CFAP299: variants seen among roughly 807,000 people sequenced by gnomAD.
CFAP299 encodes the protein cilia and flagella associated protein 299, also known as cilia- and flagella-associated protein 299.
In CFAP299, 21 loss-of-function variants were observed where a neutral mutation model predicts 27.0. That is an observed-to-expected ratio of 0.78 (90% CI 0.55 to 1.12). The LOEUF (loss-of-function observed/expected upper bound fraction) is 1.12. Among genes scored for constraint, CFAP299 ranks in the 50% most tolerant of loss-of-function variants. The pLI is 0.00. For synonymous variants in CFAP299, 104 were observed against 98.1 expected (o/e 1.06, Z -0.36); for missense variants, 310 against 276.6 (o/e 1.12, Z -0.86).
chr4:80,686,957 C>T (rs1318875509), intron 3 of CFAP299, among the ~76,000 whole-genome samples: 1 of 152,158 alleles, frequency 6.6e-6, no homozygotes, highest in Non-Finnish European at 1.5e-5. Flanking sequence ...CTAATATACC[C>T]ATATATGTCA....
intron 2 of CFAP299, among the ~76,000 whole-genome samples, chr4:80,554,031 A>G (rs949919808): frequency 3.9e-5 from 6 of 151,998 alleles, no homozygotes; most frequent in Non-Finnish European, 7.4e-5. Flanking sequence ...TTGGGTTGCA[A>G]TTGCTTTTGG....
chr4:80,582,347 A>G (rs538541981), intron 2 of CFAP299, among the ~76,000 whole-genome samples: 29 of 152,028 alleles, frequency 1.9e-4, no homozygotes, highest in Middle Eastern at 3.4e-3. Context: ...CTATGAGACC[A>G]TAGTCAACTT....
chr4:80,392,835 T>C (rs1469496175), intron 2 of CFAP299, among the ~76,000 whole-genome samples: 1 of 152,224 alleles, frequency 6.6e-6, no homozygotes, highest in Non-Finnish European at 1.5e-5. Context: ...AACAAATGAT[T>C]ATTTTACTGG....
At position 80,545,459 on chromosome 4, in the gene CFAP299, CTA is replaced by C. The variant is rs547842895; in HGVS notation, c.243-37632_243-37631del. Among the ~76,000 whole-genome samples the C allele has an allele frequency of 6.0e-3, 908 of 152,096 alleles. 7 individuals are homozygous for C. The highest frequency in any genetic ancestry group is 9.5e-3 in the Non-Finnish European group (644 of 67,962). On this transcript the variant is annotated intron_variant, in intron 2 of 5. Transcript: ENST00000358105. The stretch of plus-strand genomic sequence containing the variant: ...TACAGAAGAAAAAAAAACCCTCAGA[CTA>C]TTACAAACATCTCTGTGCTTACAAA...
rs116646365 is a variant in CFAP299, at chr4:80,897,452, G to A, written c.476+27317G>A. Among the ~76,000 whole-genome samples, 931 of 152,286 alleles carry A rather than the reference G, an allele frequency of 6.1e-3. 11 individuals are homozygous for A. The highest frequency in any genetic ancestry group is 0.021 in the African/African-American group (883 of 41,566). On this transcript the variant is annotated intron_variant, in intron 4 of 5. Transcript: ENST00000358105. ...CCTTTAATTGCAGACAACAGAGTCTGTTGAAGCTGGTTTAAGCATGGAGGA... is the reference window on the plus strand; with the variant it reads ...CCTTTAATTGCAGACAACAGAGTCTATTGAAGCTGGTTTAAGCATGGAGGA...
intron 2 of CFAP299, among the ~76,000 whole-genome samples, chr4:80,423,047 A>G (rs1727363482): frequency 6.6e-6 from 1 of 152,220 alleles, no homozygotes; most frequent in East Asian, 1.9e-4. Context: ...ATCTAAACTT[A>G]TAAAAGTCAC....
chr4:80,386,198 A>C lies in CFAP299; in HGVS notation c.242+23314A>C, dbSNP rs1327969513. 6 of 869,840 alleles carry C rather than the reference A, an allele frequency of 6.9e-6. No homozygotes were observed. In the African/African-American group the frequency reaches 1.0e-4, roughly 15 times the overall value. 53.9% of individuals were successfully genotyped at this position (869,840 alleles called of 1,614,324 possible). On this transcript the variant is annotated intron_variant, in intron 2 of 5. Transcript: ENST00000358105. Reference sequence around the variant, plus strand: ...GTCCGTCACTCTGAGGCCTCGATGTAGATGAGCACAGCGAGCATGGCACAT... The same window carrying C: ...GTCCGTCACTCTGAGGCCTCGATGTCGATGAGCACAGCGAGCATGGCACAT...
Position 80,362,795 on chromosome 4 carries a change from A to G in CFAP299, c.153A>G (p.Arg51=), listed in dbSNP as rs750798537. The G allele has an allele frequency of 6.2e-7, 1 of 1,613,048 alleles. No individual in the cohort carries two copies. The highest frequency in any genetic ancestry group is 8.5e-7 in the Non-Finnish European group (1 of 1,179,768). Reference sequence around the variant, plus strand: ...GCCAGTTGGTGGAGCTAGGCTACCGAGGGACTGGAGAGAGAGTGAAAAGGG... The same window carrying G: ...GCCAGTTGGTGGAGCTAGGCTACCGGGGGACTGGAGAGAGAGTGAAAAGGG... ...LARQLVELGY[R]GTGERVKRED... Residue 51 remains arginine, a synonymous_variant, in exon 2 of 6, where the codon CGA becomes CGG. Transcript: ENST00000358105.
chr4:80,723,820 A>G (rs1396581775), intron 3 of CFAP299, among the ~76,000 whole-genome samples: 1 of 152,142 alleles, frequency 6.6e-6, no homozygotes, highest in Non-Finnish European at 1.5e-5. Context: ...AGGAAGTATA[A>G]AATGTAAAAG....
rs76185460 is a variant in CFAP299, at chr4:80,384,261, G to A, written c.242+21377G>A. On this transcript the variant is annotated intron_variant, in intron 2 of 5. Coordinates refer to ENST00000358105, the MANE Select transcript of CFAP299 (RefSeq NM_152770.3). ...GGATCAGAACTTTTAATCATATAAC[G>A]TAAAGGATGATTGGTAGGCATAGGG... Among the ~76,000 whole-genome samples, 1,195 of 152,124 alleles carry A rather than the reference G, an allele frequency of 7.9e-3. 15 individuals are homozygous for A. The highest frequency in any genetic ancestry group is 0.027 in the African/African-American group (1,108 of 41,492).
At chr4:80,735,932 A>G (rs1723836603) in intron 3 of CFAP299, among the ~76,000 whole-genome samples, 1 of 152,054 alleles carries the variant, frequency 6.6e-6, no homozygotes, top group Non-Finnish European at 1.5e-5. Flanking sequence ...TTTTGGTATC[A>G]GGGTAATACT....
At chr4:80,794,116 G>A (rs543744017) in intron 3 of CFAP299, among the ~76,000 whole-genome samples, 11 of 152,170 alleles carry the variant, frequency 7.2e-5, no homozygotes, top group Non-Finnish European at 1.6e-4. Context: ...GAAGTAAACT[G>A]ATTTCATCTT....
At chr4:80,577,529 A>G (rs1456142794) in intron 2 of CFAP299, among the ~76,000 whole-genome samples, 1 of 149,744 alleles carries the variant, frequency 6.7e-6, no homozygotes, top group Non-Finnish European at 1.5e-5. Flanking sequence ...CAGCCTCCAG[A>G]GTACCTGGGA....
In CFAP299 at chr4:80,583,115, G is replaced by A. The variant is rs963741195; in HGVS notation, c.265G>A (p.Asp89Asn). Residue 89 changes from aspartate to asparagine, a missense_variant, in exon 3 of 6, where the codon GAC becomes AAC. Asp to Asn is a conservative substitution (Grantham distance 23). Coordinates refer to ENST00000358105, the MANE Select transcript of CFAP299 (RefSeq NM_152770.3). Reference protein sequence around the residue: ...QQKTLTSAGKDLQDNFLTALA... With the variant: ...QQKTLTSAGKNLQDNFLTALA... ...CAGGACGCTAACAAGTGCTGGTAAAGACCTACAAGATAATTTTCTGACGGC... is the reference window on the plus strand; with the variant it reads ...CAGGACGCTAACAAGTGCTGGTAAAAACCTACAAGATAATTTTCTGACGGC... The A allele has an allele frequency of 1.9e-6, 3 of 1,604,648 alleles. No homozygotes were observed. The highest frequency in any genetic ancestry group is 8.5e-7 in the Non-Finnish European group (1 of 1,174,068).
At chr4:80,369,880 A>G (rs1724046643) in intron 2 of CFAP299, among the ~76,000 whole-genome samples, 1 of 152,208 alleles carries the variant, frequency 6.6e-6, no homozygotes, top group Non-Finnish European at 1.5e-5. Flanking sequence ...TAGTGCATGC[A>G]TAATATGACC....
At chr4:80,759,930 G>A (rs1006412480) in intron 3 of CFAP299, among the ~76,000 whole-genome samples, 2 of 151,758 alleles carry the variant, frequency 1.3e-5, no homozygotes, top group Non-Finnish European at 2.9e-5. Context: ...TTGGTATTAT[G>A]TTATACAGAT....
intron 3 of CFAP299, among the ~76,000 whole-genome samples, chr4:80,673,649 T>C (rs1719177622): frequency 6.6e-6 from 1 of 152,166 alleles, no homozygotes; most frequent in Non-Finnish European, 1.5e-5. Flanking sequence ...TGTGGGAGTC[T>C]AAGCCTCTTT....
chr4:80,804,260 A>G (rs550272287), intron 3 of CFAP299, among the ~76,000 whole-genome samples: 1 of 152,128 alleles, frequency 6.6e-6, no homozygotes, highest in Non-Finnish European at 1.5e-5. Context: ...TTGAAATTTT[A>G]TACCCTTAAA....
At chr4:80,717,017 A>T (rs879315088) in intron 3 of CFAP299, among the ~76,000 whole-genome samples, 5 of 152,184 alleles carry the variant, frequency 3.3e-5, no homozygotes, top group Non-Finnish European at 7.4e-5. Flanking sequence ...GTATTCATTT[A>T]CCCATTCATT....
Sources: allele counts gnomAD v4.1 joint callset (sites outside exome capture counted in the v4.1 genomes callset), GRCh38; gene constraint gnomAD v4.1.1; transcripts MANE v1.5; gene names NCBI Gene and HGNC (gene_info 2026-07-23, HGNC 2026-07-21).